The following RFTN1 variants were observed in gnomAD, a reference collection of about 807,000 sequenced individuals.
The protein encoded by RFTN1 is raftlin.
A neutral mutation model predicts 46.5 loss-of-function variants in RFTN1; 26 were observed. The ratio of observed to expected loss-of-function variants is 0.56; its 90% CI spans 0.41 to 0.78. RFTN1 has a LOEUF of 0.78. Among genes scored for constraint, RFTN1 ranks in the 30% least tolerant of loss-of-function variants. The probability of loss-of-function intolerance (pLI) is 0.00; values close to 1 mark genes in which losing one functional copy is unlikely to be tolerated. For synonymous variants in RFTN1, 261 were observed against 284.2 expected, an observed-to-expected ratio of 0.92 and a Z score of 0.82; for missense variants, 693 against 718.7, an observed-to-expected ratio of 0.96 and a Z score of 0.41.
rs1023063096 is a variant in RFTN1, at chr3:16,513,635, C to G, written c.-202G>C. On this transcript the variant is annotated 5_prime_UTR_variant, in exon 1 of 10. Transcript: ENST00000334133. This position sits in a 1 kb window ranked among gnomAD's most constrained non-coding sequence, Gnocchi z 5.4. Reference sequence around the variant, plus strand: ...CGGCGATCGGTGCGTCTGTCCCTCGCCGGAGCCCGCGGCCGCCGCGCTCTC... The same window carrying G: ...CGGCGATCGGTGCGTCTGTCCCTCGGCGGAGCCCGCGGCCGCCGCGCTCTC... The G allele has an allele frequency of 6.6e-6, 1 of 151,562 alleles. No homozygotes were observed. Among genetic ancestry groups the G allele is most frequent in the African/African-American group, 2.4e-5 (1 of 41,268 alleles). The allele number at this position is 151,562 out of a possible 1,614,324, so 9.4% of individuals were successfully genotyped here.
At chr3:16,363,362 C>A (rs907813606) in intron 6 of RFTN1, among the ~76,000 whole-genome samples, 1 of 152,208 alleles carries the variant, frequency 6.6e-6, no homozygotes, top group African/African-American at 2.4e-5. Flanking sequence ...ATTATCACTG[C>A]ATTTTTTATT....
intron 2 of RFTN1, among the ~76,000 whole-genome samples, chr3:16,454,471 C>T (rs2075871558): frequency 6.6e-6 from 1 of 151,904 alleles, no homozygotes; most frequent in Non-Finnish European, 1.5e-5. Context: ...CTTGTTTGCT[C>T]ACTCAAGTCT....
chr3:16,357,114 CAAAA>C (rs10563071), intron 7 of RFTN1, among the ~76,000 whole-genome samples: 2 of 133,570 alleles, frequency 1.5e-5, no homozygotes, highest in African/African-American at 5.5e-5. Flanking sequence ...GATGCCATCT[CAAAA>C]AAAAAAAAAA....
chr3:16,393,610 T>C (rs2074400026), intron 4 of RFTN1, among the ~76,000 whole-genome samples: 1 of 152,172 alleles, frequency 6.6e-6, no homozygotes, highest in South Asian at 2.1e-4. Context: ...GAAAACATAT[T>C]CAAAGCTACT....
Position 16,316,766 on chromosome 3 carries a change from G to A in RFTN1, c.*62C>T. 6.3e-7 allele frequency: 1 copy of A among 1,595,854 alleles called. No homozygotes were observed. Among genetic ancestry groups the A allele is most frequent in the Admixed American group, 1.7e-5 (1 of 59,234 alleles). ...ACCAGGGAAACCAGCCCCCAAACCA[G>A]CTGTTGGTAAGATGCCTTGGGTTTG... On this transcript the variant is annotated 3_prime_UTR_variant, in exon 10 of 10. Transcript: ENST00000334133. This position sits in a 1 kb window ranked among gnomAD's most constrained non-coding sequence, Gnocchi z 4.5.
In RFTN1 at chr3:16,369,265, C is replaced by G. The variant is rs1575154814; in HGVS notation, c.1030+811G>C. On this transcript the variant is annotated intron_variant, in intron 6 of 9. Coordinates refer to ENST00000334133, the MANE Select transcript of RFTN1 (RefSeq NM_015150.2). ...TAATTCTTGAGAGAAAACAGCTCAA[C>G]AACAACACACGGCGCTGTTGATGCC... 2.0e-5 allele frequency among the ~76,000 whole-genome samples: 3 copies of G among 152,352 alleles called. No homozygotes were observed. The South Asian group carries it at 6.2e-4, about 32-fold the overall frequency.
Position 16,316,524 on chromosome 3 carries a change from C to G in RFTN1, c.*304G>C. The G allele has an allele frequency of 2.3e-6, 1 of 431,690 alleles. No individual in the cohort carries two copies. Among genetic ancestry groups the G allele is most frequent in the Non-Finnish European group, 4.2e-6 (1 of 236,364 alleles). 26.7% of individuals were successfully genotyped at this position (431,690 alleles called of 1,614,324 possible). On this transcript the variant is annotated 3_prime_UTR_variant, in exon 10 of 10. Transcript: ENST00000334133. The surrounding 1 kb of genome is among the most constrained non-coding windows in gnomAD (Gnocchi z 4.5). ...GTGGCGAGGACAGGCACTGGATGGT[C>G]CAGACCCTCTGGCTGGAGGAGTGGT...
Position 16,498,531 on chromosome 3 carries a change from A to C in RFTN1, c.-8-4654T>G, listed in dbSNP as rs1425157481. Among the ~76,000 whole-genome samples the C allele has an allele frequency of 6.6e-6, 1 of 152,230 alleles. No individual in the cohort carries two copies. Among genetic ancestry groups the C allele is most frequent in the East Asian group, 1.9e-4 (1 of 5,202 alleles). ...AAATACCAGCCAGCAGCAAAACTGTAATATCATTGAATCCTTGAATCTCAA... is the reference window on the plus strand; with the variant it reads ...AAATACCAGCCAGCAGCAAAACTGTCATATCATTGAATCCTTGAATCTCAA... On this transcript the variant is annotated intron_variant, in intron 1 of 9. Transcript: ENST00000334133. The surrounding 1 kb of genome is among the most constrained non-coding windows in gnomAD (Gnocchi z 5.2).
At chr3:16,453,681 G>A (rs1286808773) in intron 2 of RFTN1, among the ~76,000 whole-genome samples, 3 of 152,156 alleles carry the variant, frequency 2.0e-5, no homozygotes, top group Non-Finnish European at 2.9e-5. Context: ...CGTATGTAAC[G>A]TATTTACTGC....
intron 2 of RFTN1, among the ~76,000 whole-genome samples, chr3:16,493,272 C>T (rs554101379): frequency 2.6e-5 from 4 of 151,900 alleles, no homozygotes; most frequent in Non-Finnish European, 5.9e-5. Flanking sequence ...CGCTCTCTCG[C>T]CCAGGCTGGA....
rs2076837410 is a variant in RFTN1, at chr3:16,507,933, T to C, written c.-9+5509A>G. ...TGTAACCCTCAAGGAGGTCTGCCTA[T>C]GGAACAACACGACGGGACATTTCAG... On this transcript the variant is annotated intron_variant, in intron 1 of 9. Transcript: ENST00000334133. The surrounding 1 kb of genome is among the most constrained non-coding windows in gnomAD (Gnocchi z 7.1). Among the ~76,000 whole-genome samples the C allele has an allele frequency of 6.6e-6, 1 of 152,164 alleles. No individual in the cohort carries two copies. The highest frequency in any genetic ancestry group is 2.4e-5 in the African/African-American group (1 of 41,428).
In RFTN1 at chr3:16,454,711, G is replaced by A. The variant is rs2075875318; in HGVS notation, c.146-20674C>T. The A allele has an allele frequency of 8.3e-6, 8 of 961,994 alleles. No homozygotes were observed. In the South Asian group the frequency reaches 3.8e-4, roughly 46 times the overall value. 59.6% of individuals were successfully genotyped at this position (961,994 alleles called of 1,614,324 possible). A position where few individuals can be genotyped will look rare whatever the true frequency, so the allele number is the denominator to read the frequency against. On this transcript the variant is annotated intron_variant, in intron 2 of 9. Transcript: ENST00000334133. ...TACTCATCCTTCACAACTCTTTCTAGAAGAGACTTCTTCAACCTATACACC... is the reference window on the plus strand; with the variant it reads ...TACTCATCCTTCACAACTCTTTCTAAAAGAGACTTCTTCAACCTATACACC...
Position 16,378,090 on chromosome 3 carries a change from CA to C in RFTN1, c.453del (p.Ala152GlnfsTer5). 6.2e-7 allele frequency: 1 copy of C among 1,610,710 alleles called. No homozygotes were observed. The highest frequency in any genetic ancestry group is 8.5e-7 in the Non-Finnish European group (1 of 1,177,002). On this transcript the variant is annotated frameshift_variant, in exon 5 of 10. Transcript: ENST00000334133. LOFTEE classifies it high-confidence loss of function. ...IPEFIKKIQEAASQGLKFVGV... is the reference protein window; with the variant it reads ...IPEFIKKIQEXASQGLKFVGV... ...CCAACGAATTTCAGGCCCTGGCTTG[CA>C]GCCTCCTGGATCTGTGAGGCAAACA... is the stretch of plus-strand genomic sequence containing the variant.
chr3:16,431,219 C>T (rs1310104311), intron 3 of RFTN1, among the ~76,000 whole-genome samples: 1 of 152,214 alleles, frequency 6.6e-6, no homozygotes, highest in African/African-American at 2.4e-5. Flanking sequence ...TCTTTCTTAC[C>T]TAGCCTGGTG....
intron 4 of RFTN1, among the ~76,000 whole-genome samples, chr3:16,389,366 G>T (rs2074292515): frequency 6.6e-6 from 1 of 152,130 alleles, no homozygotes; most frequent in African/African-American, 2.4e-5. Flanking sequence ...ATGTTTTATT[G>T]TTCTTTTGTA....
At chr3:16,485,680 A>G (rs947121070) in intron 2 of RFTN1, among the ~76,000 whole-genome samples, 1 of 152,274 alleles carries the variant, frequency 6.6e-6, no homozygotes, top group African/African-American at 2.4e-5. Flanking sequence ...AAAGTTTTAT[A>G]TCTTGAGTGT....
At chr3:16,482,767 C>T in intron 2 of RFTN1, 2 of 1,536,078 alleles carry the variant, frequency 1.3e-6, no homozygotes, top group Non-Finnish European at 1.7e-6. Context: ...AAGTCCACTG[C>T]TCCATCACAA....
intron 2 of RFTN1, among the ~76,000 whole-genome samples, chr3:16,439,743 C>A (rs984180428): frequency 5.9e-5 from 9 of 152,180 alleles, no homozygotes; most frequent in African/African-American, 1.7e-4. Context: ...AGAAACATCA[C>A]TGCTGCCCGA....
At chr3:16,490,120 G>C (rs561746819) in intron 2 of RFTN1, among the ~76,000 whole-genome samples, 14 of 152,328 alleles carry the variant, frequency 9.2e-5, no homozygotes, top group African/African-American at 2.4e-4. Context: ...ATGCAAGACA[G>C]GCTCATCTCA....
Sources: gnomAD v4.1 joint callset for allele counts (sites outside exome capture counted in the v4.1 genomes callset) on GRCh38, gnomAD v4.1.1 for gene constraint, Gnocchi (gnomAD v3.1) non-coding constraint, MANE v1.5 for transcripts, NCBI Gene and HGNC (gene_info 2026-07-23, HGNC 2026-07-21) for gene names.